The following STPG2 variants were observed in gnomAD, a reference collection of about 807,000 sequenced individuals.
STPG2 encodes sperm tail PG-rich repeat containing 2, also known as sperm-tail PG-rich repeat-containing protein 2.
Under a neutral mutation model 54.2 loss-of-function variants are expected in STPG2, and 56 were observed. The ratio of observed to expected loss-of-function variants is 1.03; its 90% CI spans 0.83 to 1.29. The LOEUF (loss-of-function observed/expected upper bound fraction) is 1.29. Ranked by LOEUF, STPG2 falls within the 50% of genes most tolerant of loss-of-function variation. The probability of loss-of-function intolerance (pLI) is 0.00; values close to 1 mark genes in which losing one functional copy is unlikely to be tolerated. For synonymous variants in STPG2, 200 were observed against 181.8 expected (o/e 1.10, Z -0.81); for missense variants, 596 against 544.9 (o/e 1.09, Z -0.93).
At chr4:97,742,519 CTGTGTGTG>C (rs150619013) in intron 9 of STPG2, among the ~76,000 whole-genome samples, 6,822 of 124,982 alleles carry the variant, frequency 0.055, 417 homozygotes, top group African/African-American at 0.15. Context: ...AATGAATAAA[CTGTGTGTG>C]TGTGTGTGTG....
In STPG2 at chr4:97,551,030, C is replaced by G. The variant is rs547093954; in HGVS notation, c.462+161669G>C. 2.8e-5 allele frequency among the ~76,000 whole-genome samples: 4 copies of G among 144,218 alleles called. No individual in the cohort carries two copies. The East Asian group carries it at 7.7e-4, about 28-fold the overall frequency. The allele number at this position is 144,218 out of a possible 152,430, so 94.6% of individuals were successfully genotyped here. On this transcript the variant is annotated intron_variant, in intron 4 of 4. Coordinates refer to the STPG2 transcript ENST00000522676. ...GTGGAAGGGGACCCCATTGGGTTGC[C>G]GCTGTGGGCTCAGGTGGCCAGCTTT...
At chr4:97,994,139 A>G (rs764878267) in intron 5 of STPG2, among the ~76,000 whole-genome samples, 1 of 151,832 alleles carries the variant, frequency 6.6e-6, no homozygotes, top group Non-Finnish European at 1.5e-5. Flanking sequence ...TTCTACTTCT[A>G]TATTACACAG....
chr4:98,041,192 C>G (rs1019900460), intron 5 of STPG2, among the ~76,000 whole-genome samples: 1 of 151,846 alleles, frequency 6.6e-6, no homozygotes, highest in African/African-American at 2.4e-5. Flanking sequence ...TATCTCGAAA[C>G]TTTACTGAAT....
Position 97,951,271 on chromosome 4 carries a change from T to C in STPG2, c.934-7264A>G, listed in dbSNP as rs554399258. On this transcript the variant is annotated intron_variant, in intron 7 of 10. Transcript: ENST00000295268. ...GGTCTCTCATACAGACAGCTCTGCATTAATAACATTTTCTCTATTGCAGTT... is the reference window on the plus strand; with the variant it reads ...GGTCTCTCATACAGACAGCTCTGCACTAATAACATTTTCTCTATTGCAGTT... Among the ~76,000 whole-genome samples the C allele has an allele frequency of 2.0e-5, 3 of 152,306 alleles. No individual in the cohort carries two copies. The South Asian group carries it at 6.2e-4, about 32-fold the overall frequency.
intron 8 of STPG2, among the ~76,000 whole-genome samples, chr4:97,873,126 T>TA (rs1333748305): frequency 6.6e-6 from 1 of 151,282 alleles, no homozygotes; most frequent in African/African-American, 2.4e-5. Context: ...TACCCACACA[T>TA]ACAACCAAAT....
chr4:97,495,804 T>C (rs1457144306), intron 4 of STPG2, among the ~76,000 whole-genome samples: 1 of 150,748 alleles, frequency 6.6e-6, no homozygotes, highest in Non-Finnish European at 1.5e-5. Flanking sequence ...CATAAGAAGT[T>C]TGGTAAAATA....
chr4:97,880,542 G>A (rs559812052), intron 8 of STPG2, among the ~76,000 whole-genome samples: 1 of 151,724 alleles, frequency 6.6e-6, no homozygotes. Context: ...CAATATAACT[G>A]GAACACTAGG....
At chr4:98,064,142 T>C (rs1737751503) in intron 5 of STPG2, among the ~76,000 whole-genome samples, 1 of 152,056 alleles carries the variant, frequency 6.6e-6, no homozygotes, top group African/African-American at 2.4e-5. Flanking sequence ...AGTAGGAAAA[T>C]CTGATTAAAC....
chr4:98,024,246 T>C (rs1344075844), intron 5 of STPG2, among the ~76,000 whole-genome samples: 1 of 152,230 alleles, frequency 6.6e-6, no homozygotes, highest in Non-Finnish European at 1.5e-5. Context: ...GAAAACAGAC[T>C]AATACAGAGG....
At chr4:97,916,625 C>T (rs557950675) in intron 8 of STPG2, 2 of 153,042 alleles carry the variant, frequency 1.3e-5, no homozygotes, top group South Asian at 4.1e-4. Context: ...CCCACCACTG[C>T]AATCCTGCCC....
At chr4:97,967,247 G>C (rs59619775) in intron 7 of STPG2, among the ~76,000 whole-genome samples, 281 of 146,530 alleles carry the variant, frequency 1.9e-3, no homozygotes, top group African/African-American at 6.8e-3. Flanking sequence ...GACTTTAAAC[G>C]AACAAAGTTC....
chr4:97,835,526 C>T (rs1728605260), intron 9 of STPG2, among the ~76,000 whole-genome samples: 1 of 152,020 alleles, frequency 6.6e-6, no homozygotes, highest in African/African-American at 2.4e-5. Flanking sequence ...CACCTGTCAC[C>T]CAAGAGCTCT....
At chr4:97,602,307 T>C (rs1733483320) in intron 10 of STPG2, among the ~76,000 whole-genome samples, 1 of 151,854 alleles carries the variant, frequency 6.6e-6, no homozygotes, top group Non-Finnish European at 1.5e-5. Context: ...AAAATGCATC[T>C]GATGACCTTG....
intron 8 of STPG2, among the ~76,000 whole-genome samples, chr4:97,872,573 G>C (rs1177064474): frequency 6.6e-6 from 1 of 150,842 alleles, no homozygotes; most frequent in African/African-American, 2.4e-5. Flanking sequence ...AAAAAATCTG[G>C]AAAACACACA....
At chr4:97,981,801 T>C (rs1465520275) in intron 5 of STPG2, among the ~76,000 whole-genome samples, 2 of 146,292 alleles carry the variant, frequency 1.4e-5, no homozygotes, top group Non-Finnish European at 3.0e-5. Context: ...AGTTTAACTT[T>C]TAAACTTATT....
chr4:98,132,823 G>A (rs1415345425), intron 2 of STPG2, among the ~76,000 whole-genome samples: 2 of 151,792 alleles, frequency 1.3e-5, no homozygotes, highest in African/African-American at 4.8e-5. Context: ...AAAATTTGCT[G>A]TACTTGGAGC....
chr4:97,735,624 T>G (rs1008147248), intron 9 of STPG2, among the ~76,000 whole-genome samples: 1 of 148,996 alleles, frequency 6.7e-6, no homozygotes, highest in Admixed American at 6.7e-5. Flanking sequence ...TATATTCATA[T>G]ATATATACAC....
intron 10 of STPG2, among the ~76,000 whole-genome samples, chr4:97,643,214 G>A (rs1374337124): frequency 6.6e-6 from 1 of 151,302 alleles, no homozygotes; most frequent in Non-Finnish European, 1.5e-5. Context: ...TTAAAAAGAG[G>A]TTGTTCAATT....
intron 5 of STPG2, among the ~76,000 whole-genome samples, chr4:97,993,195 G>A (rs181672631): frequency 6.6e-6 from 1 of 152,090 alleles, no homozygotes; most frequent in East Asian, 1.9e-4. Flanking sequence ...ACTTTTTTCT[G>A]TTTACTATAA....
Sources: allele counts gnomAD v4.1 joint callset (sites outside exome capture counted in the v4.1 genomes callset), GRCh38; gene constraint gnomAD v4.1.1; transcripts MANE v1.5; gene names NCBI Gene and HGNC (gene_info 2026-07-23, HGNC 2026-07-21).